The following DISP1 variants were observed in gnomAD, a reference collection of about 807,000 sequenced individuals.
DISP1 encodes the protein protein dispatched homolog 1.
Under a neutral mutation model 37.3 loss-of-function variants are expected in DISP1, and 30 were observed. The observed-to-expected ratio is 0.80, with a 90% confidence interval of 0.60 to 1.09. The LOEUF (loss-of-function observed/expected upper bound fraction) is 1.09, where lower values mean the gene tolerates loss of function less well. DISP1 is among the 50% of genes least tolerant of loss of function. DISP1 has a pLI of 0.00. For missense variants in DISP1, 1,598 were observed against 1,879.5 expected (o/e 0.85, Z 2.77); for synonymous variants, 634 against 690.2 (o/e 0.92, Z 1.28).
chr1:222,833,777 G>A (rs1666348018), intron 1 of DISP1, among the ~76,000 whole-genome samples: 1 of 152,174 alleles, frequency 6.6e-6, no homozygotes, highest in African/African-American at 2.4e-5. Flanking sequence ...TAGATTTGGA[G>A]CTAGAAGACC....
chr1:222,943,898 T>C (rs370341501), intron 3 of DISP1, among the ~76,000 whole-genome samples: 21 of 151,918 alleles, frequency 1.4e-4, no homozygotes, highest in East Asian at 9.7e-4. Context: ...GGCGTGGTGG[T>C]GCATGCCTAT....
At chr1:222,885,898 A>G (rs1167509186) in intron 1 of DISP1, among the ~76,000 whole-genome samples, 1 of 151,946 alleles carries the variant, frequency 6.6e-6, no homozygotes, top group Non-Finnish European at 1.5e-5. Flanking sequence ...ACACACATAC[A>G]CACGGACTAG....
At position 223,003,009 on chromosome 1, in the gene DISP1, T is replaced by TA; in HGVS notation, c.1612_1613insA (p.Ser538TyrfsTer36). On this transcript the variant is annotated frameshift_variant, in exon 9 of 9. Transcript: ENST00000675850. LOFTEE classifies it low-confidence loss of function (END_TRUNC). This position sits in a 1 kb window ranked among gnomAD's most constrained non-coding sequence, Gnocchi z 4.3. The stretch of plus-strand genomic sequence containing the variant: ...GATGACAATGTTTGCAATAATCAGT[T>TA]CTTTGATTGTTTCCTATTTTCTCTA... 6.2e-7 allele frequency: 1 copy of TA among 1,613,964 alleles called. No homozygotes were observed. Among genetic ancestry groups the TA allele is most frequent in the Non-Finnish European group, 8.5e-7 (1 of 1,180,038 alleles).
At chr1:222,990,795 TTGTG>T in intron 5 of DISP1, 47 bp downstream of exon 5, 1 of 1,609,700 alleles carries the variant, frequency 6.2e-7, no homozygotes, top group Non-Finnish European at 8.5e-7. Flanking sequence ...TCTCCAAATA[TTGTG>T]TATTTTAATA....
chr1:222,991,786 C>A, intron 6 of DISP1, 139 bp downstream of exon 6: 1 of 1,052,156 alleles, frequency 9.5e-7, no homozygotes, highest in Non-Finnish European at 1.4e-6. Context: ...CTTAACTTGT[C>A]ATTGTGTTTG....
chr1:222,935,419 T>C (rs1049282872), intron 2 of DISP1, among the ~76,000 whole-genome samples: 2 of 152,192 alleles, frequency 1.3e-5, no homozygotes, highest in Non-Finnish European at 1.5e-5. Context: ...TCTCAAGACC[T>C]TGGCATCATG....
chr1:222,937,032 T>A (rs1259263814), intron 2 of DISP1, among the ~76,000 whole-genome samples: 24 of 112,840 alleles, frequency 2.1e-4, no homozygotes, highest in African/African-American at 8.0e-4. Flanking sequence ...ATATTACATA[T>A]TATATAATAT....
At chr1:222,816,908 CTT>C (rs1661386123) in intron 1 of DISP1, among the ~76,000 whole-genome samples, 1 of 152,118 alleles carries the variant, frequency 6.6e-6, no homozygotes, top group Non-Finnish European at 1.5e-5. Flanking sequence ...TCTGATAAGA[CTT>C]GATTTTATTT....
intron 1 of DISP1, among the ~76,000 whole-genome samples, chr1:222,850,037 A>G (rs765010258): frequency 2.2e-4 from 33 of 152,172 alleles, no homozygotes; most frequent in Non-Finnish European, 7.4e-5. Context: ...GCTATTGAAC[A>G]GTATTCTAAA....
At position 222,891,971 on chromosome 1, in the gene DISP1, A is replaced by G. The variant is rs192745612; in HGVS notation, c.-158-36459A>G. 2.9e-3 allele frequency among the ~76,000 whole-genome samples: 446 copies of G among 152,222 alleles called. 3 individuals are homozygous for G. The highest frequency in any genetic ancestry group is 0.01 in the African/African-American group (433 of 41,534). ...TTAGGAAGATCTTGTATGACTGAAA[A>G]CCAAGAGCAAGAAAATTAATGGGGG... is the stretch of plus-strand genomic sequence containing the variant. On this transcript the variant is annotated intron_variant, in intron 1 of 8. Coordinates refer to ENST00000675850, the MANE Select transcript of DISP1 (RefSeq NM_001377229.1).
intron 4 of DISP1, among the ~76,000 whole-genome samples, chr1:222,987,925 A>T (rs950811764): frequency 6.6e-6 from 1 of 152,198 alleles, no homozygotes; most frequent in African/African-American, 2.4e-5. Context: ...CAAATGTGCT[A>T]TTGAGACAGA....
intron 8 of DISP1, among the ~76,000 whole-genome samples, chr1:223,001,982 G>A (rs1679487760): frequency 6.6e-6 from 1 of 152,148 alleles, no homozygotes; most frequent in Admixed American, 6.5e-5. Context: ...CAAGTGTACG[G>A]TTTTCTTAAT....
intron 1 of DISP1, among the ~76,000 whole-genome samples, chr1:222,835,772 T>G (rs1348918408): frequency 1.3e-5 from 2 of 152,000 alleles, no homozygotes. Flanking sequence ...GCCAACATGG[T>G]GAAACTCTGT....
chr1:222,978,455 C>T (rs1677572247), intron 3 of DISP1, among the ~76,000 whole-genome samples: 1 of 152,008 alleles, frequency 6.6e-6, no homozygotes, highest in Admixed American at 6.6e-5. Flanking sequence ...CAAAAATTTT[C>T]TCCATTCTGT....
At chr1:222,970,328 T>C (rs1363415428) in intron 3 of DISP1, among the ~76,000 whole-genome samples, 1 of 152,144 alleles carries the variant, frequency 6.6e-6, no homozygotes, top group Non-Finnish European at 1.5e-5. Context: ...ATTTTTGAGC[T>C]CTTTTTTTTT....
rs112046922 is a variant in DISP1, at chr1:222,993,845, G to C, written c.890-1040G>C. Among the ~76,000 whole-genome samples, 1,513 of 152,192 alleles carry C rather than the reference G, an allele frequency of 9.9e-3. 26 individuals are homozygous for C. The highest frequency in any genetic ancestry group is 0.034 in the African/African-American group (1,428 of 41,540). ...TGACTAAAGCCATTACCAGCTCTATGTAAATGAAATGCTTCAGTTTCTACC... is the reference window on the plus strand; with the variant it reads ...TGACTAAAGCCATTACCAGCTCTATCTAAATGAAATGCTTCAGTTTCTACC... On this transcript the variant is annotated intron_variant, in intron 7 of 8. Coordinates refer to ENST00000675850, the MANE Select transcript of DISP1 (RefSeq NM_001377229.1).
At chr1:222,895,788 C>A (rs1284831444) in intron 1 of DISP1, among the ~76,000 whole-genome samples, 1 of 152,116 alleles carries the variant, frequency 6.6e-6, no homozygotes, top group Non-Finnish European at 1.5e-5. Context: ...TATCCCACAG[C>A]AAATATAAAA....
chr1:222,862,836 C>T (rs1042408364), intron 1 of DISP1, among the ~76,000 whole-genome samples: 1 of 152,114 alleles, frequency 6.6e-6, no homozygotes, highest in East Asian at 1.9e-4. Context: ...CAGCGTCAGT[C>T]GTATCTTTTG....
chr1:222,844,401 G>C (rs947355587), intron 1 of DISP1, among the ~76,000 whole-genome samples: 1 of 152,066 alleles, frequency 6.6e-6, no homozygotes, highest in Non-Finnish European at 1.5e-5. Context: ...TTGATTGTAC[G>C]CTTAAGTATT....
Sources: allele counts gnomAD v4.1 joint callset (sites outside exome capture counted in the v4.1 genomes callset), GRCh38; gene constraint gnomAD v4.1.1; non-coding constraint Gnocchi (gnomAD v3.1); transcripts MANE v1.5; gene names NCBI Gene and HGNC (gene_info 2026-07-23, HGNC 2026-07-21).